The following KCNIP4 variants were observed in gnomAD, a reference collection of about 807,000 sequenced individuals.
The protein encoded by KCNIP4 is Kv channel-interacting protein 4.
In KCNIP4, 12 loss-of-function variants were observed where a neutral mutation model predicts 34.0. The ratio of observed to expected loss-of-function variants is 0.35; its 90% confidence interval spans 0.23 to 0.57. The LOEUF (loss-of-function observed/expected upper bound fraction) is 0.57. Among genes scored for constraint, KCNIP4 ranks in the 20% least tolerant of loss-of-function variants. The pLI is 0.83. For synonymous variants in KCNIP4, 124 were observed against 102.2 expected, an observed-to-expected ratio of 1.21 and a Z score of -1.29; for missense variants, 238 against 311.7, an observed-to-expected ratio of 0.76 and a Z score of 1.78.
At chr4:21,532,769 G>A (rs1008127645) in intron 1 of KCNIP4, among the ~76,000 whole-genome samples, 1 of 152,088 alleles carries the variant, frequency 6.6e-6, no homozygotes, top group Non-Finnish European at 1.5e-5. Context: ...AGGCAGCAGT[G>A]TTAAGCCTGC....
At chr4:21,681,876 T>G (rs961785948) in intron 1 of KCNIP4, among the ~76,000 whole-genome samples, 1 of 149,834 alleles carries the variant, frequency 6.7e-6, no homozygotes, top group Non-Finnish European at 1.5e-5. Context: ...TGCCACACTT[T>G]TTTTTTTATT....
chr4:20,830,405 G>A (rs1010211588), intron 3 of KCNIP4, among the ~76,000 whole-genome samples: 2 of 152,088 alleles, frequency 1.3e-5, no homozygotes, highest in Admixed American at 6.5e-5. Context: ...AATTCCCTTG[G>A]TTGAGGGCCA....
chr4:21,491,383 T>C (rs1403357784), intron 1 of KCNIP4, among the ~76,000 whole-genome samples: 1 of 152,094 alleles, frequency 6.6e-6, no homozygotes, highest in Non-Finnish European at 1.5e-5. Context: ...GCCACTTGTT[T>C]TTTGTTTGTT....
Position 21,360,587 on chromosome 4 carries a change from A to G in KCNIP4, c.62-477878T>C, listed in dbSNP as rs1248495562. Reference sequence around the variant, plus strand: ...TTTTAAAAGTATGAGAATACAATGAAAATTAATGGGTTTCTTTAAACTAAC... The same window carrying G: ...TTTTAAAAGTATGAGAATACAATGAGAATTAATGGGTTTCTTTAAACTAAC... On this transcript the variant is annotated intron_variant, in intron 1 of 8. Coordinates refer to ENST00000382152, the MANE Select transcript of KCNIP4 (RefSeq NM_025221.6). 2.0e-5 allele frequency among the ~76,000 whole-genome samples: 3 copies of G among 152,108 alleles called. No individual in the cohort carries two copies. In the East Asian group the frequency reaches 5.8e-4, roughly 29 times the overall value.
At chr4:21,224,471 C>T (rs542082566) in intron 1 of KCNIP4, among the ~76,000 whole-genome samples, 20 of 151,564 alleles carry the variant, frequency 1.3e-4, no homozygotes, top group Non-Finnish European at 2.7e-4. Context: ...ACATTAGAGA[C>T]TACAGTTTCA....
chr4:21,729,142 G>A (rs888661027), intron 1 of KCNIP4, among the ~76,000 whole-genome samples: 2 of 151,960 alleles, frequency 1.3e-5, no homozygotes, highest in African/African-American at 4.8e-5. Context: ...CTTCTACAGG[G>A]TTTTCCCTAC....
At chr4:21,643,790 G>T (rs957962884) in intron 1 of KCNIP4, among the ~76,000 whole-genome samples, 1 of 151,938 alleles carries the variant, frequency 6.6e-6, no homozygotes. Context: ...TTTTTGACTT[G>T]TTGGCCTCCA....
chr4:21,079,033 A>T lies in KCNIP4; in HGVS notation c.62-196324T>A, dbSNP rs140453851. On this transcript the variant is annotated intron_variant, in intron 1 of 8. Coordinates refer to ENST00000382152, the MANE Select transcript of KCNIP4 (RefSeq NM_025221.6). The stretch of plus-strand genomic sequence containing the variant: ...CACAATCCAGGTCAGATTGTGGTTC[A>T]TATTAGCCACTGCACTTACCCTTGT... 2.0e-3 allele frequency among the ~76,000 whole-genome samples: 303 copies of T among 152,136 alleles called. 2 individuals carry two copies. The highest frequency in any genetic ancestry group is 0.014 in the East Asian group (74 of 5,142).
At chr4:21,286,588 G>T (rs968164498) in intron 1 of KCNIP4, among the ~76,000 whole-genome samples, 2 of 151,992 alleles carry the variant, frequency 1.3e-5, no homozygotes, top group Admixed American at 1.3e-4. Flanking sequence ...TTTGCCCTAG[G>T]GATTCCTGAT....
At chr4:21,465,071 C>T (rs1356678525) in intron 1 of KCNIP4, among the ~76,000 whole-genome samples, 1 of 152,106 alleles carries the variant, frequency 6.6e-6, no homozygotes, top group Non-Finnish European at 1.5e-5. Flanking sequence ...GCCAGGCTGT[C>T]TCTCCTGCTT....
chr4:20,930,509 T>C (rs1223091279), intron 1 of KCNIP4, among the ~76,000 whole-genome samples: 1 of 151,946 alleles, frequency 6.6e-6, no homozygotes, highest in Non-Finnish European at 1.5e-5. Flanking sequence ...AATAAATAAA[T>C]GGAACTACAT....
chr4:20,893,221 A>T (rs1438193525), intron 1 of KCNIP4, among the ~76,000 whole-genome samples: 1 of 152,222 alleles, frequency 6.6e-6, no homozygotes, highest in Non-Finnish European at 1.5e-5. Flanking sequence ...ATTTCATTTT[A>T]AAAAATGGTG....
At chr4:20,939,615 G>A (rs911774689) in intron 1 of KCNIP4, among the ~76,000 whole-genome samples, 4 of 151,844 alleles carry the variant, frequency 2.6e-5, no homozygotes, top group South Asian at 2.1e-4. Flanking sequence ...CTCATGATCC[G>A]CCCGCCTCAG....
Position 20,859,220 on chromosome 4 carries a change from CTGTT to C in KCNIP4, c.164-8557_164-8554del, listed in dbSNP as rs1337998141. On this transcript the variant is annotated intron_variant, in intron 2 of 8. Coordinates refer to ENST00000382152, the MANE Select transcript of KCNIP4 (RefSeq NM_025221.6). ...TCAGAGCTGGAAGGAACACAGGAAA[CTGTT>C]TGTTTTTCTGCATTTTACCCCTGAG... 4.2e-4 allele frequency among the ~76,000 whole-genome samples: 64 copies of C among 151,756 alleles called. 1 individual carries two copies. Among genetic ancestry groups the C allele is most frequent in the African/African-American group, 1.5e-3 (62 of 41,432 alleles).
chr4:21,168,059 G>A lies in KCNIP4; in HGVS notation c.62-285350C>T, dbSNP rs987111548. Among the ~76,000 whole-genome samples the A allele has an allele frequency of 3.9e-5, 6 of 152,232 alleles. No homozygotes were observed. In the South Asian group the frequency reaches 8.3e-4, roughly 21 times the overall value. ...TTTAAACCATCTTGATTTCCAGGTA[G>A]TAAATGATTTTTTAAATAAAAGGTG... On this transcript the variant is annotated intron_variant, in intron 1 of 8. Transcript: ENST00000382152.
chr4:21,948,475 G>T, intron 1 of KCNIP4, 96 bp downstream of exon 1: 1 of 1,346,418 alleles, frequency 7.4e-7, no homozygotes. Context: ...AAGGCAACAA[G>T]CGTCCCCAGC....
At chr4:21,935,407 C>T (rs1195503104) in intron 1 of KCNIP4, among the ~76,000 whole-genome samples, 2 of 151,980 alleles carry the variant, frequency 1.3e-5, no homozygotes, top group African/African-American at 2.4e-5. Flanking sequence ...TTAGACTCTC[C>T]AATCTCATGT....
In KCNIP4 at chr4:21,353,809, T is replaced by C. The variant is rs567717294; in HGVS notation, c.62-471100A>G. ...GGAAATACAGAGAACACCACAAAGA[T>C]ACGCCTTGAGAAGAGCAACCCCAAG... is the stretch of plus-strand genomic sequence containing the variant. On this transcript the variant is annotated intron_variant, in intron 1 of 8. Coordinates refer to ENST00000382152, the MANE Select transcript of KCNIP4 (RefSeq NM_025221.6). Among the ~76,000 whole-genome samples, 13 of 152,218 alleles carry C rather than the reference T, an allele frequency of 8.5e-5. No homozygotes were observed. In the South Asian group the frequency reaches 2.3e-3, roughly 27 times the overall value.
At chr4:21,265,947 C>A (rs1365861233) in intron 1 of KCNIP4, among the ~76,000 whole-genome samples, 2 of 152,228 alleles carry the variant, frequency 1.3e-5, no homozygotes, top group African/African-American at 4.8e-5. Context: ...ATGATTGTTA[C>A]AATTTCTTGA....
Sources: allele counts gnomAD v4.1 joint callset (sites outside exome capture counted in the v4.1 genomes callset), GRCh38; gene constraint gnomAD v4.1.1; transcripts MANE v1.5; gene names NCBI Gene and HGNC (gene_info 2026-07-23, HGNC 2026-07-21).